Variants in CMSS1 observed in about 807,000 individuals in gnomAD.
CMSS1 encodes the protein protein CMSS1.
In CMSS1, 33 loss-of-function variants were observed where a neutral mutation model predicts 43.5. The ratio of observed to expected loss-of-function variants is 0.76; its 90% CI spans 0.57 to 1.01. The LOEUF is 1.01. CMSS1 is among the 50% of genes least tolerant of loss of function. The pLI, the probability that CMSS1 is intolerant of heterozygous loss-of-function variation, is 0.00. For synonymous variants in CMSS1, 115 were observed against 117.2 expected, an observed-to-expected ratio of 0.98 and a Z score of 0.12; for missense variants, 313 against 326.4, an observed-to-expected ratio of 0.96 and a Z score of 0.32.
intron 1 of CMSS1, among the ~76,000 whole-genome samples, chr3:100,047,207 G>A (rs1391948424): frequency 1.3e-5 from 2 of 152,146 alleles, no homozygotes; most frequent in Non-Finnish European, 2.9e-5. Flanking sequence ...AGTGAAACTA[G>A]TAAAAACTAT....
chr3:99,896,456 T>G (rs1706255883), intron 1 of CMSS1, among the ~76,000 whole-genome samples: 3 of 152,208 alleles, frequency 2.0e-5, no homozygotes, highest in African/African-American at 4.8e-5. Context: ...GGGATTTTGG[T>G]TTTTTTCATG....
At chr3:100,062,093 CTTTTTTTTTTTTTTT>C (rs71907944) in intron 1 of CMSS1, among the ~76,000 whole-genome samples, 16 of 53,178 alleles carry the variant, frequency 3.0e-4, no homozygotes, top group African/African-American at 8.0e-4. Flanking sequence ...CTGTCTTCTT[CTTTTTTTTTTTTTTT>C]TTTTTTTTTT....
At chr3:99,955,275 T>G (rs1330657504) in intron 1 of CMSS1, among the ~76,000 whole-genome samples, 1 of 152,188 alleles carries the variant, frequency 6.6e-6, no homozygotes, top group Admixed American at 6.5e-5. Flanking sequence ...TTAGCAAAAC[T>G]TAGTAAAGAC....
chr3:100,165,105 C>A (rs2067055539), intron 4 of CMSS1, among the ~76,000 whole-genome samples: 1 of 152,124 alleles, frequency 6.6e-6, no homozygotes, highest in Non-Finnish European at 1.5e-5. Context: ...CCAAGAGATT[C>A]TAATTCACTA....
chr3:99,880,286 A>G (rs552360126), intron 1 of CMSS1, among the ~76,000 whole-genome samples: 4 of 152,294 alleles, frequency 2.6e-5, no homozygotes, highest in African/African-American at 9.6e-5. Flanking sequence ...CTGTACATGT[A>G]GATACCCACA....
chr3:100,006,982 T>G (rs1305477234), intron 1 of CMSS1, among the ~76,000 whole-genome samples: 1 of 152,228 alleles, frequency 6.6e-6, no homozygotes, highest in Non-Finnish European at 1.5e-5. Flanking sequence ...TGTCCAAAAC[T>G]TGAGCATATT....
At chr3:99,924,351 A>T (rs1271626015) in intron 1 of CMSS1, 5 of 1,614,006 alleles carry the variant, frequency 3.1e-6, no homozygotes, top group Middle Eastern at 1.6e-4. Context: ...TCTGCCACTA[A>T]AAGCTGTCCC....
chr3:100,140,379 G>T (rs1487269704), intron 1 of CMSS1, among the ~76,000 whole-genome samples: 1 of 151,936 alleles, frequency 6.6e-6, no homozygotes, highest in Admixed American at 6.5e-5. Context: ...GGTCACTACT[G>T]ATCCTTTTTC....
intron 1 of CMSS1, among the ~76,000 whole-genome samples, chr3:100,101,684 T>C (rs930506454): frequency 6.6e-6 from 1 of 152,164 alleles, no homozygotes; most frequent in Non-Finnish European, 1.5e-5. Flanking sequence ...GTTAGTTACA[T>C]ATGTATACAT....
intron 1 of CMSS1, among the ~76,000 whole-genome samples, chr3:99,832,392 G>A (rs527596722): frequency 4.4e-4 from 67 of 150,618 alleles, no homozygotes; most frequent in Admixed American, 4.6e-4. Flanking sequence ...CACCACGCCC[G>A]GCTAATTTTT....
chr3:99,959,144 A>G (rs1193699856), intron 1 of CMSS1, among the ~76,000 whole-genome samples: 1 of 152,078 alleles, frequency 6.6e-6, no homozygotes. Context: ...TTTTTCCCAA[A>G]CTTTATTTTT....
chr3:99,881,722 G>A (rs142142434), intron 1 of CMSS1, among the ~76,000 whole-genome samples: 2,391 of 152,092 alleles, frequency 0.016, 38 homozygotes, highest in Non-Finnish European at 0.024. Flanking sequence ...TAGTAAAGAC[G>A]GGGTTTCACC....
At chr3:99,924,742 G>A (rs1302183342) in intron 1 of CMSS1, among the ~76,000 whole-genome samples, 1 of 152,056 alleles carries the variant, frequency 6.6e-6, no homozygotes, top group Non-Finnish European at 1.5e-5. Flanking sequence ...GGCTGGTCTT[G>A]AACTCCTGAC....
intron 1 of CMSS1, among the ~76,000 whole-genome samples, chr3:99,934,239 G>T (rs768112198): frequency 2.0e-5 from 3 of 152,146 alleles, no homozygotes; most frequent in Non-Finnish European, 4.4e-5. Flanking sequence ...ACCTCTACAT[G>T]GAAGAAGATA....
chr3:99,949,230 C>T (rs1257563128), intron 1 of CMSS1, among the ~76,000 whole-genome samples: 2 of 152,160 alleles, frequency 1.3e-5, no homozygotes, highest in Non-Finnish European at 2.9e-5. Context: ...TCTAAAAATG[C>T]TGAGGCTAGG....
chr3:100,177,950 C>T (rs1476485550), intron 9 of CMSS1, among the ~76,000 whole-genome samples: 1 of 152,138 alleles, frequency 6.6e-6, no homozygotes, highest in Non-Finnish European at 1.5e-5. Flanking sequence ...AAAACCCTGT[C>T]TCTACTAAAA....
At chr3:100,159,385 C>G (rs1006813013) in intron 2 of CMSS1, among the ~76,000 whole-genome samples, 7 of 152,186 alleles carry the variant, frequency 4.6e-5, no homozygotes, top group Admixed American at 2.0e-4. Flanking sequence ...ATATCTTTCT[C>G]TCTGACTTCA....
chr3:99,944,065 T>G (rs769804566), intron 1 of CMSS1, among the ~76,000 whole-genome samples: 1 of 152,194 alleles, frequency 6.6e-6, no homozygotes, highest in Non-Finnish European at 1.5e-5. Context: ...CCTTCCCTCT[T>G]AGAACATCAA....
chr3:99,848,019 A>G, intron 1 of CMSS1: 1 of 1,139,630 alleles, frequency 8.8e-7, no homozygotes, highest in Non-Finnish European at 1.1e-6. Flanking sequence ...GGAAAATGAA[A>G]TACATAAAGA....
Sources: gnomAD v4.1 joint callset for allele counts (sites outside exome capture counted in the v4.1 genomes callset) on GRCh38, gnomAD v4.1.1 for gene constraint, MANE v1.5 for transcripts, NCBI Gene and HGNC (gene_info 2026-07-23, HGNC 2026-07-21) for gene names.